TMPRSS2: variants seen among roughly 807,000 people sequenced by gnomAD.
TMPRSS2 encodes transmembrane protease serine 2.
Under a neutral mutation model 67.4 loss-of-function variants are expected in TMPRSS2, and 59 were observed. The ratio of observed to expected loss-of-function variants is 0.88; its 90% CI spans 0.71 to 1.09. The LOEUF (loss-of-function observed/expected upper bound fraction) is 1.09, where lower values mean the gene tolerates loss of function less well. Among genes scored for constraint, TMPRSS2 ranks in the 50% least tolerant of loss-of-function variants. The probability of loss-of-function intolerance (pLI) is 0.00; values close to 1 mark genes in which losing one functional copy is unlikely to be tolerated. For missense variants in TMPRSS2, 668 were observed against 642.7 expected (o/e 1.04, Z -0.43); for synonymous variants, 257 against 257.0 (o/e 1.00, Z 0.00).
chr21:41,483,081 T>C (rs1324408945), intron 5 of TMPRSS2, among the ~76,000 whole-genome samples: 2 of 151,966 alleles, frequency 1.3e-5, no homozygotes, highest in African/African-American at 4.8e-5. Context: ...AAGGGTGAAG[T>C]CCAGGACTTC....
intron 3 of TMPRSS2, among the ~76,000 whole-genome samples, chr21:41,492,143 A>C (rs2091342244): frequency 6.6e-6 from 1 of 152,230 alleles, no homozygotes; most frequent in Non-Finnish European, 1.5e-5. Flanking sequence ...CAGTGAGCTG[A>C]GATCGTGCCA....
chr21:41,466,363 T>C (rs1448058960), intron 13 of TMPRSS2, among the ~76,000 whole-genome samples: 1 of 152,230 alleles, frequency 6.6e-6, no homozygotes, highest in Non-Finnish European at 1.5e-5. Flanking sequence ...GCAGCGGATG[T>C]GGAGGCCGGC....
chr21:41,495,689 C>T (rs1167194519), intron 2 of TMPRSS2, among the ~76,000 whole-genome samples: 2 of 149,988 alleles, frequency 1.3e-5, no homozygotes, highest in Non-Finnish European at 3.0e-5. Flanking sequence ...ATGGGTCCTT[C>T]AAAAGAAAGA....
At position 41,480,622 on chromosome 21, in the gene TMPRSS2, A is replaced by G; in HGVS notation, c.446-20T>C. ...GGCGAACTGCACGAGAGGGAGGATTATCCATGAGTTTCTTTCTTTTTTTTT... is the reference window on the plus strand; with the variant it reads ...GGCGAACTGCACGAGAGGGAGGATTGTCCATGAGTTTCTTTCTTTTTTTTT... On this transcript the variant is annotated intron_variant, in intron 5 of 13. Transcript: ENST00000332149. The G allele has an allele frequency of 6.2e-7, 1 of 1,613,078 alleles. No homozygotes were observed. Among genetic ancestry groups the G allele is most frequent in the African/African-American group, 1.3e-5 (1 of 74,980 alleles).
intron 10 of TMPRSS2, 88 bp from the exon 11 acceptor site, chr21:41,470,831 G>GGTGCCAGGCC: frequency 1.8e-6 from 2 of 1,100,164 alleles, no homozygotes; most frequent in Non-Finnish European, 2.6e-6. Context: ...GCTGGGCCTG[G>GGTGCCAGGCC]CACCCTGGCC....
At chr21:41,483,058 A>G (rs1238836722) in intron 5 of TMPRSS2, among the ~76,000 whole-genome samples, 1 of 152,168 alleles carries the variant, frequency 6.6e-6, no homozygotes, top group African/African-American at 2.4e-5. Context: ...ATCCCACAGA[A>G]CTGTACAAGA....
rs2091078948 is a variant in TMPRSS2 at position 41,465,860 on chromosome 21, C to G, written c.*282G>C. 1 of 489,248 alleles carries G rather than the reference C, an allele frequency of 2.0e-6. No individual in the cohort carries two copies. The highest frequency in any genetic ancestry group is 3.4e-5 in the East Asian group (1 of 29,534). 30.3% of individuals were successfully genotyped at this position (489,248 alleles called of 1,614,324 possible). On this transcript the variant is annotated 3_prime_UTR_variant, in exon 14 of 14. Transcript: ENST00000332149. ...TGGAAAGGACTCAGCAGGAAGATCT[C>G]AATGGGGCAGCCTCCACCCCTCTCC...
At chr21:41,492,820 C>T (rs536023174) in intron 3 of TMPRSS2, among the ~76,000 whole-genome samples, 1 of 152,320 alleles carries the variant, frequency 6.6e-6, no homozygotes, top group South Asian at 2.1e-4. Flanking sequence ...TTAGCCATCA[C>T]TGGTGGGAAC....
chr21:41,494,479 C>T lies in TMPRSS2; in HGVS notation c.115G>A (p.Val39Met), dbSNP rs1163953702. 1.2e-6 allele frequency: 2 copies of T among 1,614,054 alleles called. No homozygotes were observed. Among genetic ancestry groups the T allele is most frequent in the South Asian group, 2.2e-5 (2 of 91,062 alleles). Residue 39 changes from valine (V) to methionine (M), a missense_variant, in exon 3 of 14, where the codon GTG becomes ATG. Physicochemically the swap from Val to Met is conservative, Grantham distance 21. Coordinates refer to ENST00000332149, the MANE Select transcript of TMPRSS2 (RefSeq NM_005656.4). ...GACGGGTAGTACTGAGCCGGATGCACCTCGTAGACAGTGGGGACCACAGTG... is the reference window on the plus strand; with the variant it reads ...GACGGGTAGTACTGAGCCGGATGCATCTCGTAGACAGTGGGGACCACAGTG... ...QPTVVPTVYE[V>M]HPAQYYPSPV...
At chr21:41,504,367 C>A (rs951855247) in intron 1 of TMPRSS2, among the ~76,000 whole-genome samples, 17 of 152,242 alleles carry the variant, frequency 1.1e-4, no homozygotes, top group Non-Finnish European at 2.4e-4. Flanking sequence ...CCAGACTCAC[C>A]TCCAGGAGGA....
chr21:41,473,414 C>G lies in TMPRSS2; in HGVS notation c.810G>C (p.Gln270His). ...GGACGTTCTGGACGTGCAGGCTGAC[C>G]TGCCAGGGCCAGGCCCCCGGGAGCG... ...ESALPGAWPWQVSLHVQNVHV... is the reference protein window; with the variant it reads ...ESALPGAWPWHVSLHVQNVHV... Residue 270 changes from glutamine (Q) to histidine (H), a missense_variant, in exon 9 of 14, where the codon CAG becomes CAC. Gln to His is a conservative substitution (Grantham distance 24, BLOSUM62 0). Transcript: ENST00000332149. 1 of 1,610,210 alleles carries G rather than the reference C, an allele frequency of 6.2e-7. No homozygotes were observed.
chr21:41,481,532 T>C (rs980196349), intron 5 of TMPRSS2, among the ~76,000 whole-genome samples: 4 of 152,190 alleles, frequency 2.6e-5, no homozygotes, highest in Non-Finnish European at 5.9e-5. Flanking sequence ...TATGAGCTGA[T>C]GAAAATATGC....
intron 3 of TMPRSS2, among the ~76,000 whole-genome samples, chr21:41,493,491 A>C (rs1303786546): frequency 6.6e-6 from 1 of 152,220 alleles, no homozygotes; most frequent in Non-Finnish European, 1.5e-5. Flanking sequence ...TGTGATGTGG[A>C]CACATGGAAA....
intron 1 of TMPRSS2, among the ~76,000 whole-genome samples, chr21:41,499,864 C>A (rs867094430): frequency 6.6e-6 from 1 of 152,166 alleles, no homozygotes; most frequent in African/African-American, 2.4e-5. Flanking sequence ...CACCCCTTCC[C>A]GCTTGGCTTT....
chr21:41,496,876 C>T (rs1397567528), intron 2 of TMPRSS2, among the ~76,000 whole-genome samples: 10 of 118,926 alleles, frequency 8.4e-5, no homozygotes, highest in African/African-American at 3.0e-4. Context: ...GTTTCCCTCT[C>T]GTTGCCCAGG....
intron 5 of TMPRSS2, among the ~76,000 whole-genome samples, chr21:41,483,782 T>TTTA (rs1555892522): frequency 2.0e-5 from 3 of 150,484 alleles, no homozygotes; most frequent in Admixed American, 6.6e-5. Flanking sequence ...TTTTTTTTTT[T>TTTA]AAATATTAGG....
rs555198424 is a variant in TMPRSS2, at chr21:41,485,999, G to C, written c.445+2395C>G. Reference sequence around the variant, plus strand: ...CCACCAAGGATGGCCCTTAGGAGAGGGGGGATTACTTTGGCATGGAAAAAT... The same window carrying C: ...CCACCAAGGATGGCCCTTAGGAGAGCGGGGATTACTTTGGCATGGAAAAAT... On this transcript the variant is annotated intron_variant, in intron 5 of 13. Coordinates refer to ENST00000332149, the MANE Select transcript of TMPRSS2 (RefSeq NM_005656.4). Among the ~76,000 whole-genome samples, 5 of 152,304 alleles carry C rather than the reference G, an allele frequency of 3.3e-5. No individual in the cohort carries two copies. The South Asian group carries it at 8.3e-4, about 25-fold the overall frequency.
In TMPRSS2 at chr21:41,468,601, C is replaced by A; in HGVS notation, c.1172-63G>T. On this transcript the variant is annotated intron_variant, in intron 11 of 13. Coordinates refer to ENST00000332149, the MANE Select transcript of TMPRSS2 (RefSeq NM_005656.4). ...CTGCAGCTCTCGCAGGGAGAGCACA[C>A]TTCCCTCCCTGAGACCTCCACACGC... The A allele has an allele frequency of 2.5e-6, 4 of 1,576,614 alleles. No individual in the cohort carries two copies. The South Asian group carries it at 4.6e-5, about 18-fold the overall frequency.
In TMPRSS2 at chr21:41,478,180, C is replaced by T. The variant is rs2091230597; in HGVS notation, c.683+992G>A. ...GTGCACCTGGCCGTGCACAGCCCTCCCCACTGGGCTTGCCCTGCCACATTC... is the reference window on the plus strand; with the variant it reads ...GTGCACCTGGCCGTGCACAGCCCTCTCCACTGGGCTTGCCCTGCCACATTC... On this transcript the variant is annotated intron_variant, in intron 7 of 13. Transcript: ENST00000332149. The surrounding 1 kb of genome is among the most constrained non-coding windows in gnomAD (Gnocchi z 4.0). Among the ~76,000 whole-genome samples, 1 of 152,246 alleles carries T rather than the reference C, an allele frequency of 6.6e-6. No individual in the cohort carries two copies. Among genetic ancestry groups the T allele is most frequent in the South Asian group, 2.1e-4 (1 of 4,834 alleles).
Sources: gnomAD v4.1 joint callset for allele counts (sites outside exome capture counted in the v4.1 genomes callset) on GRCh38, gnomAD v4.1.1 for gene constraint, Gnocchi (gnomAD v3.1) non-coding constraint, MANE v1.5 for transcripts, NCBI Gene and HGNC (gene_info 2026-07-23, HGNC 2026-07-21) for gene names.